The following PEX5L variants were observed in gnomAD, a reference collection of about 807,000 sequenced individuals.
PEX5L encodes the protein PEX5-related protein.
Under a neutral mutation model 84.0 loss-of-function variants are expected in PEX5L, and 30 were observed. That is an observed-to-expected ratio of 0.36 (90% CI 0.27 to 0.48). The LOEUF is 0.48. Among genes scored for constraint, PEX5L ranks in the 20% least tolerant of loss-of-function variants. The pLI is 0.99. For missense variants in PEX5L, 533 were observed against 754.6 expected (o/e 0.71, Z 3.44); for synonymous variants, 270 against 283.1 (o/e 0.95, Z 0.46).
intron 2 of PEX5L, among the ~76,000 whole-genome samples, chr3:179,907,250 C>T (rs1763559688): frequency 6.6e-6 from 1 of 151,960 alleles, no homozygotes; most frequent in Non-Finnish European, 1.5e-5. Context: ...CATCCTCCTA[C>T]TAAATTGGAG....
chr3:180,000,495 GA>G (rs939841755), intron 1 of PEX5L, among the ~76,000 whole-genome samples: 2 of 151,714 alleles, frequency 1.3e-5, no homozygotes, highest in Admixed American at 6.6e-5. Context: ...ACTCCTCCAG[GA>G]AAAAAAACCA....
chr3:179,962,135 C>T (rs1191701517), intron 2 of PEX5L, among the ~76,000 whole-genome samples: 8 of 57,380 alleles, frequency 1.4e-4, no homozygotes, highest in South Asian at 1.0e-3. Context: ...CTAATATAAA[C>T]ATCTTTTTAT....
chr3:179,999,222 A>G (rs977117231), intron 1 of PEX5L, among the ~76,000 whole-genome samples: 1 of 152,206 alleles, frequency 6.6e-6, no homozygotes, highest in Non-Finnish European at 1.5e-5. Context: ...ACCTCTCTGA[A>G]TGGTCAAAAA....
intron 2 of PEX5L, among the ~76,000 whole-genome samples, chr3:179,947,863 C>A (rs757919045): frequency 6.6e-6 from 1 of 151,906 alleles, no homozygotes; most frequent in Non-Finnish European, 1.5e-5. Flanking sequence ...CCCGCCACCA[C>A]GCCTGGCTAA....
chr3:180,007,601 C>T (rs986711400), intron 1 of PEX5L, among the ~76,000 whole-genome samples: 2 of 152,224 alleles, frequency 1.3e-5, no homozygotes, highest in African/African-American at 4.8e-5. Flanking sequence ...CATGAGGGCC[C>T]TGCCCCTGCA....
chr3:179,903,667 G>C (rs1171853870), intron 2 of PEX5L, among the ~76,000 whole-genome samples: 1 of 152,128 alleles, frequency 6.6e-6, no homozygotes, highest in African/African-American at 2.4e-5. Context: ...TCTTTCACTT[G>C]GCGAGCTAAA....
chr3:179,808,804 G>A (rs991679953), intron 12 of PEX5L, among the ~76,000 whole-genome samples: 4 of 152,078 alleles, frequency 2.6e-5, no homozygotes, highest in African/African-American at 9.7e-5. Flanking sequence ...TAGGCCGGGC[G>A]TGGTGGCTCA....
At chr3:179,890,242 T>C (rs1476193768) in intron 3 of PEX5L, among the ~76,000 whole-genome samples, 1 of 152,192 alleles carries the variant, frequency 6.6e-6, no homozygotes, top group Non-Finnish European at 1.5e-5. Context: ...TGAAGTGCGA[T>C]CTGAATTCCA....
At chr3:179,866,034 G>A (rs904921809) in intron 7 of PEX5L, among the ~76,000 whole-genome samples, 6 of 152,080 alleles carry the variant, frequency 3.9e-5, no homozygotes, top group African/African-American at 1.4e-4. Flanking sequence ...ATTTTAATTG[G>A]TTTAACTTAA....
intron 1 of PEX5L, among the ~76,000 whole-genome samples, chr3:179,993,879 C>T (rs1787615052): frequency 6.6e-6 from 1 of 152,174 alleles, no homozygotes; most frequent in Non-Finnish European, 1.5e-5. Context: ...TACAGAAACA[C>T]AGGAAAATAA....
At chr3:179,943,285 G>A (rs1335704343) in intron 2 of PEX5L, among the ~76,000 whole-genome samples, 1 of 152,154 alleles carries the variant, frequency 6.6e-6, no homozygotes, top group Non-Finnish European at 1.5e-5. Flanking sequence ...TTGGCAGTGG[G>A]GAAACAAATC....
intron 8 of PEX5L, among the ~76,000 whole-genome samples, chr3:179,853,165 G>T (rs920734647): frequency 6.6e-6 from 1 of 152,108 alleles, no homozygotes; most frequent in African/African-American, 2.4e-5. Flanking sequence ...ATTTGTCTGT[G>T]ATTCTTCACC....
At chr3:179,813,843 A>AT (rs1387649436) in intron 10 of PEX5L, among the ~76,000 whole-genome samples, 1 of 150,124 alleles carries the variant, frequency 6.7e-6, no homozygotes, top group East Asian at 1.9e-4. Flanking sequence ...CGCCCGGCTA[A>AT]TTTTTTGTAT....
rs377322726 is a variant in PEX5L at position 179,814,768 on chromosome 3, G to C, written c.1083+1093C>G. Among the ~76,000 whole-genome samples the C allele has an allele frequency of 8.0e-4, 121 of 152,198 alleles. 2 individuals carry two copies. The highest frequency in any genetic ancestry group is 2.6e-3 in the African/African-American group (110 of 41,512). The stretch of plus-strand genomic sequence containing the variant: ...AAGGGGTTTTTCTAACATGCAATCT[G>C]TTGGTATGTCTCTCCTGAGTACAGG... On this transcript the variant is annotated intron_variant, in intron 10 of 14. Coordinates refer to ENST00000467460, the MANE Select transcript of PEX5L (RefSeq NM_016559.3).
chr3:179,992,739 C>T (rs1043013042), intron 1 of PEX5L, among the ~76,000 whole-genome samples: 31 of 152,054 alleles, frequency 2.0e-4, no homozygotes, highest in African/African-American at 4.8e-4. Flanking sequence ...GCAGCGCACA[C>T]GAATTTCAAG....
At chr3:180,031,906 T>C (rs1348808164) in intron 1 of PEX5L, among the ~76,000 whole-genome samples, 1 of 148,472 alleles carries the variant, frequency 6.7e-6, no homozygotes, top group African/African-American at 2.6e-5. Flanking sequence ...TAAAAACATT[T>C]ATATGATGAA....
intron 8 of PEX5L, among the ~76,000 whole-genome samples, chr3:179,829,768 A>G (rs1050106384): frequency 3.1e-5 from 4 of 128,278 alleles, no homozygotes; most frequent in Non-Finnish European, 6.5e-5. Context: ...TAAACTTGCT[A>G]TATCTTTTTT....
At chr3:179,950,529 T>C (rs924518011) in intron 2 of PEX5L, among the ~76,000 whole-genome samples, 1 of 152,028 alleles carries the variant, frequency 6.6e-6, no homozygotes, top group Non-Finnish European at 1.5e-5. Flanking sequence ...ATTTAAAAAA[T>C]GTAAAAAAAA....
chr3:179,976,912 A>T (rs546906132), intron 1 of PEX5L, among the ~76,000 whole-genome samples: 301 of 152,354 alleles, frequency 2.0e-3, no homozygotes, highest in African/African-American at 7.0e-3. Context: ...AAAAGTGAAA[A>T]TATAGATACC....
Sources: gnomAD v4.1 joint callset for allele counts (sites outside exome capture counted in the v4.1 genomes callset) on GRCh38, gnomAD v4.1.1 for gene constraint, MANE v1.5 for transcripts, NCBI Gene and HGNC (gene_info 2026-07-23, HGNC 2026-07-21) for gene names.